Variants in XKR6 observed in about 807,000 individuals in gnomAD.
The protein encoded by XKR6 is XK related 6.
In XKR6, 22 loss-of-function variants were observed where a neutral mutation model predicts 56.7. That is an observed-to-expected ratio of 0.39 (90% CI 0.28 to 0.55). The LOEUF is 0.55. Ranked by LOEUF, XKR6 falls within the 20% of genes least tolerant of loss-of-function variation. The pLI is 0.66. For missense variants in XKR6, 852 were observed against 889.0 expected (o/e 0.96, Z 0.53); for synonymous variants, 524 against 387.8 (o/e 1.35, Z -4.13).
At position 10,898,441 on chromosome 8, in the gene XKR6, A is replaced by C. The variant is rs1799948782; in HGVS notation, c.1437T>G (p.Cys479Trp). 1.9e-6 allele frequency: 3 copies of C among 1,614,086 alleles called. No homozygotes were observed. Among genetic ancestry groups the C allele is most frequent in the Non-Finnish European group, 2.5e-6 (3 of 1,180,016 alleles). Residue 479 changes from cysteine (C) to tryptophan (W), a missense_variant, in exon 3 of 3, where the codon TGT (cysteine) becomes TGG (tryptophan). Physicochemically the swap from Cys to Trp is radical, Grantham distance 215. Coordinates refer to ENST00000416569, the MANE Select transcript of XKR6 (RefSeq NM_173683.4). This position sits in a 1 kb window ranked among gnomAD's most constrained non-coding sequence, Gnocchi z 6.6. ...TCCCAGCCACAAAGCTAATAAAGAC[A>C]CAACACAGTGCTGGCACCGCATAGG... The part of the protein sequence containing the change: ...TDSYAVPALC[C>W]VFISFVAGIA...
At chr8:11,079,906 G>T (rs940414239) in intron 1 of XKR6, among the ~76,000 whole-genome samples, 1 of 152,112 alleles carries the variant, frequency 6.6e-6, no homozygotes, top group African/African-American at 2.4e-5. Context: ...GTTCGAGGCT[G>T]CAAGTAAGCC....
rs1801784901 is a variant in XKR6, at chr8:11,161,154, A to G, written c.764+39422T>C. On this transcript the variant is annotated intron_variant, in intron 1 of 2. Coordinates refer to ENST00000416569, the MANE Select transcript of XKR6 (RefSeq NM_173683.4). ...AACTGATCTAGGCAGAGTACCTGGT[A>G]GAAATTAAATTCAAGAAATCAAAGA... 2.6e-5 allele frequency among the ~76,000 whole-genome samples: 4 copies of G among 152,320 alleles called. 1 individual carries two copies. Among genetic ancestry groups the G allele is most frequent in the South Asian group, 2.1e-4 (1 of 4,824 alleles).
intron 1 of XKR6, among the ~76,000 whole-genome samples, chr8:10,962,155 G>C (rs1802083375): frequency 6.6e-6 from 1 of 152,160 alleles, no homozygotes; most frequent in African/African-American, 2.4e-5. Flanking sequence ...AAGCACACAG[G>C]GGACTTATTT....
chr8:11,108,043 T>C (rs554200861), intron 1 of XKR6: 15 of 326,594 alleles, frequency 4.6e-5, no homozygotes, highest in Non-Finnish European at 8.3e-5. Context: ...CGAGGCTGTA[T>C]TTTGTAGGAA....
At chr8:11,118,588 A>C in intron 1 of XKR6, among the ~76,000 whole-genome samples, 1 of 152,146 alleles carries the variant, frequency 6.6e-6, no homozygotes. Flanking sequence ...TTTCTAGTTT[A>C]TTTGTGTAGA....
At chr8:10,968,346 A>C (rs1802294252) in intron 1 of XKR6, among the ~76,000 whole-genome samples, 1 of 152,242 alleles carries the variant, frequency 6.6e-6, no homozygotes, top group African/African-American at 2.4e-5. Flanking sequence ...TAGCATCTTA[A>C]TAAGTTAAAT....
chr8:10,947,705 C>T (rs191164155), intron 1 of XKR6, among the ~76,000 whole-genome samples: 22 of 152,288 alleles, frequency 1.4e-4, no homozygotes, highest in African/African-American at 5.3e-4. Flanking sequence ...TTCTCCCAAC[C>T]TTCAGTTTTT....
At chr8:11,171,221 G>T (rs1300729568) in intron 1 of XKR6, among the ~76,000 whole-genome samples, 1 of 152,208 alleles carries the variant, frequency 6.6e-6, no homozygotes, top group Non-Finnish European at 1.5e-5. Context: ...TCTGTAACAT[G>T]AACTGCCATT....
chr8:10,952,196 G>C (rs1801747538), intron 1 of XKR6, among the ~76,000 whole-genome samples: 1 of 152,150 alleles, frequency 6.6e-6, no homozygotes, highest in Admixed American at 6.6e-5. Flanking sequence ...CCAGGAAGGG[G>C]ACCCAAGTTC....
intron 1 of XKR6, chr8:11,123,768 GA>G (rs1003763063): frequency 3.7e-5 from 16 of 431,222 alleles, no homozygotes; most frequent in East Asian, 3.6e-4. Flanking sequence ...AACAAAAAAT[GA>G]AAAACAAAAA....
chr8:10,899,896 A>G lies in XKR6; in HGVS notation c.962-980T>C, dbSNP rs1271358100. 2.6e-5 allele frequency among the ~76,000 whole-genome samples: 4 copies of G among 152,310 alleles called. No individual in the cohort carries two copies. The East Asian group carries it at 7.7e-4, about 29-fold the overall frequency. ...TTGATATTTGCAAGTAAACCAAATG[A>G]AACACAATCCATTGTTACTGAAGTC... On this transcript the variant is annotated intron_variant, in intron 2 of 2. Transcript: ENST00000416569.
At chr8:11,087,413 C>G (rs180849195) in intron 1 of XKR6, among the ~76,000 whole-genome samples, 1 of 152,210 alleles carries the variant, frequency 6.6e-6, no homozygotes. Flanking sequence ...TCAATCTCAG[C>G]AGTCCCATTC....
In XKR6 at chr8:11,178,652, A is replaced by AAT. The variant is rs1167924798; in HGVS notation, c.764+21922_764+21923dup. Among the ~76,000 whole-genome samples, 520 of 132,804 alleles carry AAT rather than the reference A, an allele frequency of 3.9e-3. 2 individuals carry two copies. Among genetic ancestry groups the AAT allele is most frequent in the Non-Finnish European group, 5.8e-3 (386 of 66,500 alleles). The allele number at this position is 132,804 out of a possible 152,430, so 87.1% of individuals were successfully genotyped here. A position where few individuals can be genotyped will look rare whatever the true frequency, so the allele number is the denominator to read the frequency against. Reference sequence around the variant, plus strand: ...AAATATATATATACACATACACACAAATATATATATATACACAGAGATAAA... The same window carrying AAT: ...AAATATATATATACACATACACACAAATATATATATATATACACAGAGATAAA... On this transcript the variant is annotated intron_variant, in intron 1 of 2. Transcript: ENST00000416569.
chr8:11,092,831 G>C (rs1156879341), intron 1 of XKR6, among the ~76,000 whole-genome samples: 1 of 152,162 alleles, frequency 6.6e-6, no homozygotes, highest in African/African-American at 2.4e-5. Context: ...GACTGGAGCA[G>C]AAAGGGGCCT....
At chr8:10,975,945 C>T (rs533780216) in intron 1 of XKR6, among the ~76,000 whole-genome samples, 12 of 152,238 alleles carry the variant, frequency 7.9e-5, no homozygotes, top group East Asian at 3.9e-4. Context: ...GAGGCCGAGA[C>T]GGGCAGATCA....
intron 1 of XKR6, among the ~76,000 whole-genome samples, chr8:11,106,868 A>C (rs1798697610): frequency 6.6e-6 from 1 of 151,200 alleles, no homozygotes. Context: ...AAAAAAAATA[A>C]AAAAGATACA....
rs572394139 is a variant in XKR6, at chr8:10,897,307, C to T, written c.*645G>A. On this transcript the variant is annotated 3_prime_UTR_variant, in exon 3 of 3. Coordinates refer to ENST00000416569, the MANE Select transcript of XKR6 (RefSeq NM_173683.4). ...TTTGGTAAATTTGTTTTCTTCAATA[C>T]AAATAATCAGATAGGAAGAATAATT... The T allele has an allele frequency of 1.3e-5, 2 of 152,658 alleles. No homozygotes were observed. The highest frequency in any genetic ancestry group is 2.9e-5 in the Non-Finnish European group (2 of 68,020). 9.5% of individuals were successfully genotyped at this position (152,658 alleles called of 1,614,324 possible). A position where few individuals can be genotyped will look rare whatever the true frequency, so the allele number is the denominator to read the frequency against.
chr8:11,020,575 G>C (rs978647578), intron 1 of XKR6, among the ~76,000 whole-genome samples: 1 of 152,190 alleles, frequency 6.6e-6, no homozygotes, highest in Non-Finnish European at 1.5e-5. Context: ...GGCTTTGACA[G>C]AGAGAAGCCT....
At chr8:11,156,508 G>A (rs543886922) in intron 1 of XKR6, among the ~76,000 whole-genome samples, 160 of 152,234 alleles carry the variant, frequency 1.1e-3, no homozygotes, top group African/African-American at 3.7e-3. Context: ...TAAAATTGCA[G>A]GCAGTATTTT....
Sources: allele counts gnomAD v4.1 joint callset (sites outside exome capture counted in the v4.1 genomes callset), GRCh38; gene constraint gnomAD v4.1.1; non-coding constraint Gnocchi (gnomAD v3.1); transcripts MANE v1.5; gene names NCBI Gene and HGNC (gene_info 2026-07-23, HGNC 2026-07-21).